FAF1: variants seen among roughly 807,000 people sequenced by gnomAD.
The protein encoded by FAF1 is FAS-associated factor 1.
A neutral mutation model predicts 92.5 loss-of-function variants in FAF1; 25 were observed. The ratio of observed to expected loss-of-function variants is 0.27; its 90% confidence interval spans 0.20 to 0.38. The LOEUF (loss-of-function observed/expected upper bound fraction) is 0.38. FAF1 is among the 10% of genes least tolerant of loss of function. The probability of loss-of-function intolerance (pLI) is 1.00; values close to 1 mark genes in which losing one functional copy is unlikely to be tolerated. For missense variants in FAF1, 636 were observed against 793.3 expected (o/e 0.80, Z 2.38); for synonymous variants, 234 against 273.2 (o/e 0.86, Z 1.42).
intron 15 of FAF1, among the ~76,000 whole-genome samples, chr1:50,525,101 G>C (rs931863505): frequency 6.6e-5 from 10 of 152,082 alleles, no homozygotes. Flanking sequence ...GGTCAGGCTG[G>C]TCTCAAACTC....
At chr1:50,661,719 G>A (rs1345930700) in intron 7 of FAF1, among the ~76,000 whole-genome samples, 1 of 152,050 alleles carries the variant, frequency 6.6e-6, no homozygotes, top group Non-Finnish European at 1.5e-5. Context: ...TCAAAATAAG[G>A]CATACAAACT....
chr1:50,454,541 T>C (rs1194851638), intron 18 of FAF1, among the ~76,000 whole-genome samples: 4 of 152,272 alleles, frequency 2.6e-5, no homozygotes, highest in Non-Finnish European at 5.9e-5. Context: ...CTCCCTCATA[T>C]GCCTATCCCA....
intron 3 of FAF1, among the ~76,000 whole-genome samples, chr1:50,799,868 G>T (rs775111828): frequency 6.6e-6 from 1 of 152,082 alleles, no homozygotes; most frequent in Non-Finnish European, 1.5e-5. Flanking sequence ...CAGCTTATAA[G>T]AAAGTACACA....
intron 18 of FAF1, among the ~76,000 whole-genome samples, chr1:50,456,549 T>C (rs1258076744): frequency 1.3e-5 from 2 of 152,202 alleles, no homozygotes; most frequent in Admixed American, 6.5e-5. Flanking sequence ...ACTGGTAAGA[T>C]GGAAAATATA....
At chr1:50,846,609 C>CT (rs1644303681) in intron 2 of FAF1, 3 of 530,918 alleles carry the variant, frequency 5.7e-6, no homozygotes, top group Non-Finnish European at 7.5e-6. Flanking sequence ...TGAGCGCTTC[C>CT]TTGTAAGATC....
chr1:50,509,471 G>C lies in FAF1; in HGVS notation c.1495-17670C>G, dbSNP rs557753408. 2.5e-4 allele frequency among the ~76,000 whole-genome samples: 38 copies of C among 152,238 alleles called. 1 individual carries two copies. The highest frequency in any genetic ancestry group is 1.2e-3 in the South Asian group (6 of 4,830). ...TACAAAAAATTTAAAAATTAGCTGG[G>C]TGTGGTGGCACACACTTGTGGTCCC... On this transcript the variant is annotated intron_variant, in intron 15 of 18. Coordinates refer to ENST00000396153, the MANE Select transcript of FAF1 (RefSeq NM_007051.3).
At chr1:50,778,857 A>G (rs1661057373) in intron 4 of FAF1, among the ~76,000 whole-genome samples, 1 of 152,074 alleles carries the variant, frequency 6.6e-6, no homozygotes, top group Admixed American at 6.6e-5. Context: ...ACACACACAC[A>G]CACAAATAGA....
rs540507505 is a variant in FAF1 at position 50,586,670 on chromosome 1, T to C, written c.841-1859A>G. ...CCTCCCTTAATAGTTTGTTCGTAGA[T>C]CTAAGATCTCCTGGTTTAAGCTAGT... On this transcript the variant is annotated intron_variant, in intron 9 of 18. Transcript: ENST00000396153. Among the ~76,000 whole-genome samples the C allele has an allele frequency of 7.2e-5, 11 of 152,294 alleles. 1 individual carries two copies. The South Asian group carries it at 1.9e-3, about 26-fold the overall frequency.
At chr1:50,767,915 A>C (rs1660639201) in intron 4 of FAF1, among the ~76,000 whole-genome samples, 1 of 152,208 alleles carries the variant, frequency 6.6e-6, no homozygotes, top group South Asian at 2.1e-4. Context: ...CCAGGTAACA[A>C]TCCGATGACT....
intron 2 of FAF1, among the ~76,000 whole-genome samples, chr1:50,845,630 C>T (rs1356256509): frequency 1.3e-5 from 2 of 152,140 alleles, no homozygotes; most frequent in African/African-American, 2.4e-5. Flanking sequence ...CCAGTGACTA[C>T]GAACCAGCCC....
At chr1:50,832,862 C>A (rs1644166537) in intron 2 of FAF1, among the ~76,000 whole-genome samples, 1 of 151,924 alleles carries the variant, frequency 6.6e-6, no homozygotes, top group Non-Finnish European at 1.5e-5. Flanking sequence ...GAAGCTAAGG[C>A]AGAAATAAAA....
chr1:50,779,291 T>C (rs1482981225), intron 4 of FAF1, among the ~76,000 whole-genome samples: 3 of 152,222 alleles, frequency 2.0e-5, no homozygotes. Context: ...TGTTGATATC[T>C]TGACCTCCTC....
At chr1:50,922,274 A>G (rs548744686) in intron 1 of FAF1, among the ~76,000 whole-genome samples, 1 of 151,822 alleles carries the variant, frequency 6.6e-6, no homozygotes, top group East Asian at 1.9e-4. Flanking sequence ...AGCATGACCA[A>G]CTGGCAAAAC....
chr1:50,896,395 C>T (rs902328318), intron 1 of FAF1, among the ~76,000 whole-genome samples: 14 of 152,130 alleles, frequency 9.2e-5, no homozygotes, highest in South Asian at 2.1e-4. Context: ...ATCAAAATAT[C>T]TCATGTGCCC....
At chr1:50,681,597 C>T (rs566048004) in intron 7 of FAF1, among the ~76,000 whole-genome samples, 45 of 151,942 alleles carry the variant, frequency 3.0e-4, no homozygotes, top group African/African-American at 1.0e-3. Context: ...AACCTCTGCC[C>T]CCCGAGTTCA....
Position 50,801,694 on chromosome 1 carries a change from G to A in FAF1, c.115-17C>T. ...GATAGCTGCCTGCAAACAAGAAACA[G>A]AGAAGGCCATTTAAAGAAACAGATA... is the stretch of plus-strand genomic sequence containing the variant. On this transcript the variant is annotated splice_polypyrimidine_tract_variant and intron_variant, in intron 2 of 18. Coordinates refer to ENST00000396153, the MANE Select transcript of FAF1 (RefSeq NM_007051.3). The A allele has an allele frequency of 6.5e-7, 1 of 1,547,894 alleles. No homozygotes were observed. Among genetic ancestry groups the A allele is most frequent in the African/African-American group, 1.4e-5 (1 of 73,788 alleles).
chr1:50,550,396 A>G (rs1649256668), intron 13 of FAF1, among the ~76,000 whole-genome samples: 1 of 151,550 alleles, frequency 6.6e-6, no homozygotes, highest in South Asian at 2.1e-4. Flanking sequence ...CTTCAGTTGC[A>G]ATCTCACCCA....
At chr1:50,931,891 TAA>T (rs1491273200) in intron 1 of FAF1, among the ~76,000 whole-genome samples, 1 of 79,744 alleles carries the variant, frequency 1.3e-5, no homozygotes, top group Non-Finnish European at 2.7e-5. Context: ...AATAAATAAA[TAA>T]TAATAATAAT....
At chr1:50,812,078 GAC>G (rs1643921185) in intron 2 of FAF1, among the ~76,000 whole-genome samples, 3 of 152,138 alleles carry the variant, frequency 2.0e-5, no homozygotes, top group African/African-American at 7.2e-5. Context: ...ATGAATTAAA[GAC>G]TCAAATGTAA....
Sources: gnomAD v4.1 joint callset for allele counts (sites outside exome capture counted in the v4.1 genomes callset) on GRCh38, gnomAD v4.1.1 for gene constraint, MANE v1.5 for transcripts, NCBI Gene and HGNC (gene_info 2026-07-23, HGNC 2026-07-21) for gene names.